Variants in WARS2 observed in about 807,000 individuals in gnomAD.
WARS2 encodes the protein tryptophan--tRNA ligase, mitochondrial.
Under a neutral mutation model 36.5 loss-of-function variants are expected in WARS2, and 28 were observed. The ratio of observed to expected loss-of-function variants is 0.77; its 90% CI spans 0.57 to 1.05. The LOEUF is 1.05. Among genes scored for constraint, WARS2 ranks in the 50% least tolerant of loss-of-function variants. The pLI, the probability that WARS2 is intolerant of heterozygous loss-of-function variation, is 0.00. For missense variants in WARS2, 435 were observed against 456.8 expected (o/e 0.95, Z 0.44); for synonymous variants, 174 against 178.4 (o/e 0.98, Z 0.20).
intron 1 of WARS2, among the ~76,000 whole-genome samples, chr1:119,126,171 C>A (rs1655641077): frequency 6.6e-6 from 1 of 151,828 alleles, no homozygotes; most frequent in Admixed American, 6.6e-5. Flanking sequence ...ACTCCCCTTG[C>A]CATAGTGTCC....
chr1:119,126,938 TTGTC>T (rs1655705531), intron 1 of WARS2: 1 of 743,990 alleles, frequency 1.3e-6, no homozygotes, highest in African/African-American at 1.7e-5. Context: ...GAAGCAATCA[TTGTC>T]TGCCATTTTT....
chr1:119,045,713 T>C, intron 2 of WARS2, 51 bp from the exon 3 acceptor site: 1 of 1,431,824 alleles, frequency 7.0e-7, no homozygotes, highest in Non-Finnish European at 9.6e-7. Flanking sequence ...TTTTCTTGCA[T>C]ATAAGAAGAA....
At chr1:119,076,751 C>T (rs1651770943) in intron 1 of WARS2, 144 bp from the exon 2 acceptor site, 2 of 1,225,648 alleles carry the variant, frequency 1.6e-6, no homozygotes, top group Non-Finnish European at 2.3e-6. Flanking sequence ...TTTGTGCCTA[C>T]ACTGTAAATC....
At chr1:119,088,435 AACACACACACAC>A (rs113752727) in intron 1 of WARS2, among the ~76,000 whole-genome samples, 35,445 of 149,110 alleles carry the variant, frequency 0.24, 4,371 homozygotes, top group African/African-American at 0.3. Flanking sequence ...GAAACACTGA[AACACACACACAC>A]ACACACACAC....
rs764222787 is a variant in WARS2, at chr1:119,034,231, C to G, written c.516-18G>C. ...GTGTGGACCTTTAATAAAAGACAGA[C>G]AGAAAAACAACAGCAAGGCTCTTTC... On this transcript the variant is annotated intron_variant, in intron 4 of 5. Coordinates refer to ENST00000235521, the MANE Select transcript of WARS2 (RefSeq NM_015836.4). The G allele has an allele frequency of 6.3e-6, 10 of 1,598,376 alleles. No individual in the cohort carries two copies. The highest frequency in any genetic ancestry group is 1.3e-5 in the African/African-American group (1 of 74,616).
At chr1:119,138,865 T>C (rs1185256545) in intron 1 of WARS2, among the ~76,000 whole-genome samples, 1 of 152,206 alleles carries the variant, frequency 6.6e-6, no homozygotes, top group Non-Finnish European at 1.5e-5. Flanking sequence ...AATAATTAAC[T>C]TTAATAGCCC....
intron 1 of WARS2, among the ~76,000 whole-genome samples, chr1:119,130,122 G>A (rs1471285724): frequency 1.3e-5 from 2 of 149,682 alleles, no homozygotes; most frequent in African/African-American, 5.0e-5. Context: ...TGCTTAAATG[G>A]GACTTAAGGT....
At chr1:119,093,314 A>T (rs587769204) in intron 1 of WARS2, among the ~76,000 whole-genome samples, 14 of 152,090 alleles carry the variant, frequency 9.2e-5, no homozygotes, top group Non-Finnish European at 1.8e-4. Flanking sequence ...TAAAGCCTAA[A>T]ACATAAAAAA....
chr1:119,055,671 G>C (rs944022715), intron 2 of WARS2, among the ~76,000 whole-genome samples: 29 of 148,254 alleles, frequency 2.0e-4, no homozygotes, highest in Non-Finnish European at 3.6e-4. Context: ...ACAAAAAACA[G>C]AGAAGAAAGG....
intron 2 of WARS2, among the ~76,000 whole-genome samples, chr1:119,071,452 T>C (rs892405561): frequency 6.6e-6 from 1 of 152,148 alleles, no homozygotes; most frequent in African/African-American, 2.4e-5. Flanking sequence ...TAAGTGTCTA[T>C]CAACAGATGA....
intron 1 of WARS2, 102 bp downstream of exon 1, chr1:119,140,453 C>T (rs1028162911): frequency 1.8e-6 from 2 of 1,111,028 alleles, no homozygotes; most frequent in African/African-American, 3.1e-5. Flanking sequence ...AAGGCATGTA[C>T]TTTCCCTAAG....
At chr1:119,065,523 T>C (rs1650763124) in intron 2 of WARS2, among the ~76,000 whole-genome samples, 1 of 150,166 alleles carries the variant, frequency 6.7e-6, no homozygotes, top group African/African-American at 2.5e-5. Context: ...TAATCCCAGC[T>C]ATCTGGGAGG....
At chr1:119,075,741 G>T (rs1037897664) in intron 2 of WARS2, among the ~76,000 whole-genome samples, 25 of 152,186 alleles carry the variant, frequency 1.6e-4, no homozygotes, top group African/African-American at 6.0e-4. Context: ...CAGACTATCG[G>T]CCTGTCCAAG....
At chr1:119,107,165 T>A (rs1461406510) in intron 1 of WARS2, among the ~76,000 whole-genome samples, 1 of 152,150 alleles carries the variant, frequency 6.6e-6, no homozygotes, top group Non-Finnish European at 1.5e-5. Context: ...ATTTTCTTAT[T>A]ATTGAGTTAT....
chr1:119,050,932 T>A (rs1649299584), intron 2 of WARS2, among the ~76,000 whole-genome samples: 1 of 152,170 alleles, frequency 6.6e-6, no homozygotes, highest in South Asian at 2.1e-4. Flanking sequence ...ATCAATAATG[T>A]TTTTAATATA....
At chr1:119,073,002 C>T (rs932896595) in intron 2 of WARS2, among the ~76,000 whole-genome samples, 1 of 151,724 alleles carries the variant, frequency 6.6e-6, no homozygotes, top group African/African-American at 2.4e-5. Flanking sequence ...AAAAAAAAAG[C>T]CAGGTGTGGT....
At chr1:119,134,404 C>G (rs1656348292) in intron 1 of WARS2, among the ~76,000 whole-genome samples, 1 of 147,408 alleles carries the variant, frequency 6.8e-6, no homozygotes, top group African/African-American at 2.5e-5. Flanking sequence ...AGAACTTTCT[C>G]AATTAGAAAT....
At chr1:119,073,430 G>A (rs1651483761) in intron 2 of WARS2, among the ~76,000 whole-genome samples, 1 of 152,138 alleles carries the variant, frequency 6.6e-6, no homozygotes, top group African/African-American at 2.4e-5. Context: ...GACACCTGAG[G>A]AAATTTTTCA....
intron 3 of WARS2, among the ~76,000 whole-genome samples, 155 bp downstream of exon 3, chr1:119,045,427 C>T (rs1648710693): frequency 6.6e-6 from 1 of 152,242 alleles, no homozygotes; most frequent in South Asian, 2.1e-4. Context: ...CTTTTATTTT[C>T]CTTTTAATAC....
Sources: allele counts gnomAD v4.1 joint callset (sites outside exome capture counted in the v4.1 genomes callset), GRCh38; gene constraint gnomAD v4.1.1; transcripts MANE v1.5; gene names NCBI Gene and HGNC (gene_info 2026-07-23, HGNC 2026-07-21).